The following BIRC6 variants were observed in gnomAD, a reference collection of about 807,000 sequenced individuals.
The protein encoded by BIRC6 is baculoviral IAP repeat containing 6, also known as dual E2 ubiquitin-conjugating enzyme/E3 ubiquitin-protein ligase BIRC6.
Under a neutral mutation model 503.3 loss-of-function variants are expected in BIRC6, and 98 were observed. The observed-to-expected ratio is 0.19, with a 90% CI of 0.17 to 0.23. The LOEUF (loss-of-function observed/expected upper bound fraction) is 0.23. Among genes scored for constraint, BIRC6 ranks in the 10% least tolerant of loss-of-function variants. The pLI is 1.00. For synonymous variants in BIRC6, 2,240 were observed against 2,078.7 expected (o/e 1.08, Z -2.11); for missense variants, 5,360 against 5,806.0 (o/e 0.92, Z 2.50).
chr2:32,387,612 T>C (rs1471792063), intron 3 of BIRC6, among the ~76,000 whole-genome samples: 2 of 152,218 alleles, frequency 1.3e-5, no homozygotes, highest in African/African-American at 4.8e-5. Context: ...TGTGTGACTA[T>C]AAGGCCTGTG....
At chr2:32,542,777 G>A (rs2057769331) in intron 61 of BIRC6, among the ~76,000 whole-genome samples, 1 of 152,150 alleles carries the variant, frequency 6.6e-6, no homozygotes, top group Non-Finnish European at 1.5e-5. Context: ...CTGCTGTCAT[G>A]TGCGTCTTGA....
chr2:32,594,281 T>C (rs1476479038), intron 67 of BIRC6: 2 of 402,470 alleles, frequency 5.0e-6, no homozygotes, highest in East Asian at 4.0e-5. Context: ...CTAAATTTAG[T>C]AGGCTGAGAA....
At chr2:32,531,599 T>G in intron 61 of BIRC6, 48 bp downstream of exon 61, 1 of 1,433,538 alleles carries the variant, frequency 7.0e-7, no homozygotes, top group East Asian at 2.4e-5. Context: ...AGCTAAGCCC[T>G]TCATTCTTTT....
intron 9 of BIRC6, among the ~76,000 whole-genome samples, chr2:32,407,240 G>A (rs2041320941): frequency 6.6e-6 from 1 of 152,144 alleles, no homozygotes; most frequent in Admixed American, 6.5e-5. Context: ...GAGATCAGGA[G>A]TTCGAGACCA....
chr2:32,481,040 G>A (rs1400409069), intron 37 of BIRC6, among the ~76,000 whole-genome samples: 1 of 152,124 alleles, frequency 6.6e-6, no homozygotes, highest in African/African-American at 2.4e-5. Context: ...GTAATAGAAT[G>A]TATATTATTT....
intron 72 of BIRC6, among the ~76,000 whole-genome samples, chr2:32,607,894 C>T (rs1322922975): frequency 7.2e-6 from 1 of 139,246 alleles, no homozygotes; most frequent in Non-Finnish European, 1.5e-5. Context: ...TGAGGTTGAA[C>T]CTGGGAGGCG....
At chr2:32,585,167 T>C (rs959104895) in intron 66 of BIRC6, among the ~76,000 whole-genome samples, 2 of 152,126 alleles carry the variant, frequency 1.3e-5, no homozygotes, top group African/African-American at 4.8e-5. Flanking sequence ...GTGCAAGCAA[T>C]GTTGCACACG....
chr2:32,552,540 G>A (rs1319996419), intron 65 of BIRC6, among the ~76,000 whole-genome samples: 1 of 152,094 alleles, frequency 6.6e-6, no homozygotes, highest in African/African-American at 2.4e-5. Flanking sequence ...CAGAATAGAG[G>A]GAGCATATAA....
At chr2:32,464,007 C>T (rs1442338593) in intron 24 of BIRC6, among the ~76,000 whole-genome samples, 2 of 152,092 alleles carry the variant, frequency 1.3e-5, no homozygotes, top group Non-Finnish European at 2.9e-5. Context: ...GAGTCTAATG[C>T]CTGATGATCT....
At chr2:32,535,420 A>G (rs1310209822) in intron 61 of BIRC6, among the ~76,000 whole-genome samples, 1 of 152,144 alleles carries the variant, frequency 6.6e-6, no homozygotes, top group East Asian at 1.9e-4. Flanking sequence ...ATCATTTAAC[A>G]TTAGGTATGT....
Position 32,549,462 on chromosome 2 carries a change from T to G in BIRC6, c.13125T>G (p.Ser4375=). The G allele has an allele frequency of 6.9e-7, 1 of 1,446,750 alleles. No individual in the cohort carries two copies. The highest frequency in any genetic ancestry group is 9.3e-7 in the Non-Finnish European group (1 of 1,078,924). The allele number at this position is 1,446,750 out of a possible 1,614,324, so 89.6% of individuals were successfully genotyped here. A position where few individuals can be genotyped will look rare whatever the true frequency, so the allele number is the denominator to read the frequency against. Residue 4375 remains serine (S), a synonymous_variant, in exon 65 of 74, where the codon TCT becomes TCG. Transcript: ENST00000421745. ...CCTGCCTCATCCCAGCCATGTCATC[T>G]TATCTACGAAATGATTCAGGTAAAT... ...SQSCLIPAMS[S]YLRNDSVLDM... is the part of the protein sequence containing the mutation.
chr2:32,527,997 A>G (rs893381634), intron 59 of BIRC6: 1 of 152,126 alleles, frequency 6.6e-6, no homozygotes, highest in Non-Finnish European at 1.5e-5. Flanking sequence ...TTGAAGAGAG[A>G]CTTCTGAGCT....
chr2:32,616,721 T>C lies in BIRC6; in HGVS notation c.14395-1004T>C, dbSNP rs148403873. On this transcript the variant is annotated intron_variant, in intron 73 of 73. Coordinates refer to ENST00000421745, the MANE Select transcript of BIRC6 (RefSeq NM_016252.4). ...TCATTCGCTAAAGTATCAGTGGATT[T>C]ATTTTAATTTACGGATTTGTCTTTC... Among the ~76,000 whole-genome samples, 16 of 152,334 alleles carry C rather than the reference T, an allele frequency of 1.1e-4. No individual in the cohort carries two copies. The East Asian group carries it at 3.1e-3, about 29-fold the overall frequency.
chr2:32,578,732 G>C (rs1184965449), intron 66 of BIRC6, among the ~76,000 whole-genome samples: 1 of 151,728 alleles, frequency 6.6e-6, no homozygotes, highest in Non-Finnish European at 1.5e-5. Context: ...GGAGGTGGGG[G>C]TTGCAGTGAT....
intron 49 of BIRC6, 99 bp from the exon 50 acceptor site, chr2:32,504,906 C>G (rs1478250895): frequency 1.0e-5 from 11 of 1,093,814 alleles, no homozygotes; most frequent in Non-Finnish European, 1.3e-5. Flanking sequence ...TTCATGTTTT[C>G]AATTAATTTT....
intron 60 of BIRC6, among the ~76,000 whole-genome samples, chr2:32,531,141 A>G (rs2056718107): frequency 6.6e-6 from 1 of 152,186 alleles, no homozygotes; most frequent in Admixed American, 6.5e-5. Context: ...TCCATGAACC[A>G]TTCTTCCAAT....
intron 10 of BIRC6, among the ~76,000 whole-genome samples, chr2:32,427,867 A>G (rs945685446): frequency 2.6e-5 from 4 of 151,940 alleles, no homozygotes; most frequent in Non-Finnish European, 5.9e-5. Flanking sequence ...GTATCTCCCT[A>G]CCTTTTGCCA....
chr2:32,464,228 A>G (rs1195389638), intron 24 of BIRC6, among the ~76,000 whole-genome samples: 1 of 152,196 alleles, frequency 6.6e-6, no homozygotes, highest in Non-Finnish European at 1.5e-5. Context: ...TTTTGTTTTG[A>G]GCAGATATTC....
intron 61 of BIRC6, among the ~76,000 whole-genome samples, chr2:32,539,519 C>T (rs143785087): frequency 1.3e-4 from 20 of 152,176 alleles, no homozygotes; most frequent in East Asian, 9.6e-4. Context: ...AAACCAATAG[C>T]GGTAAGATCT....
Sources: allele counts gnomAD v4.1 joint callset (sites outside exome capture counted in the v4.1 genomes callset), GRCh38; gene constraint gnomAD v4.1.1; transcripts MANE v1.5; gene names NCBI Gene and HGNC (gene_info 2026-07-23, HGNC 2026-07-21).